Variants in DPP10 observed in about 807,000 individuals in gnomAD.
DPP10 encodes the protein inactive dipeptidyl peptidase 10.
DPP10 carries 33 observed loss-of-function variants against 120.9 expected under a neutral mutation model. That is an observed-to-expected ratio of 0.27 (90% confidence interval 0.21 to 0.37). DPP10 has a LOEUF of 0.37. Ranked by LOEUF, DPP10 falls within the 10% of genes least tolerant of loss-of-function variation. The pLI is 1.00. For synonymous variants in DPP10, 337 were observed against 326.1 expected (o/e 1.03, Z -0.36); for missense variants, 816 against 942.8 (o/e 0.87, Z 1.76).
intron 1 of DPP10, among the ~76,000 whole-genome samples, chr2:114,681,839 A>G (rs1345139210): frequency 6.6e-6 from 1 of 152,016 alleles, no homozygotes; most frequent in Non-Finnish European, 1.5e-5. Flanking sequence ...TGTTTCTATC[A>G]TAATCCATGT....
At chr2:115,012,953 T>C (rs1702370101) in intron 1 of DPP10, among the ~76,000 whole-genome samples, 1 of 152,200 alleles carries the variant, frequency 6.6e-6, no homozygotes, top group African/African-American at 2.4e-5. Flanking sequence ...TCATCCAACT[T>C]GCCAGTCTTT....
intron 1 of DPP10, among the ~76,000 whole-genome samples, chr2:114,587,672 A>G (rs921805685): frequency 3.3e-5 from 5 of 152,222 alleles, no homozygotes; most frequent in Non-Finnish European, 7.3e-5. Context: ...TAAAGGGAAC[A>G]TAATGGCAGT....
intron 1 of DPP10, among the ~76,000 whole-genome samples, chr2:114,520,884 G>T (rs908990282): frequency 1.6e-4 from 25 of 152,174 alleles, no homozygotes; most frequent in African/African-American, 5.1e-4. Flanking sequence ...TAGAAAAAAT[G>T]TGGCTGATTT....
chr2:115,747,594 C>CTTTTTTTTTT (rs3980905), intron 10 of DPP10, among the ~76,000 whole-genome samples: 11 of 141,226 alleles, frequency 7.8e-5, no homozygotes, highest in Non-Finnish European at 1.2e-4. Context: ...ATCCCCTTGT[C>CTTTTTTTTTT]TTTTTTTTTT....
rs185930516 is a variant in DPP10 at position 115,494,606 on chromosome 2, G to T, written c.272-4904G>T. Among the ~76,000 whole-genome samples the T allele has an allele frequency of 1.6e-4, 25 of 152,192 alleles. No individual in the cohort carries two copies. In the East Asian group the frequency reaches 2.1e-3, roughly 13 times the overall value. ...TTTACCATTGATATATTTAATTAAA[G>T]AATAAAATCTTGTTGTTTAACAAAC... is the stretch of plus-strand genomic sequence containing the variant. On this transcript the variant is annotated intron_variant, in intron 3 of 25. Transcript: ENST00000410059.
intron 1 of DPP10, among the ~76,000 whole-genome samples, chr2:115,061,851 A>G (rs1559048074): frequency 1.3e-5 from 2 of 152,160 alleles, no homozygotes; most frequent in African/African-American, 2.4e-5. Flanking sequence ...GACAGAGTAG[A>G]TAATATGTCT....
At chr2:114,541,610 A>G (rs949570341) in intron 1 of DPP10, among the ~76,000 whole-genome samples, 6 of 152,246 alleles carry the variant, frequency 3.9e-5, no homozygotes, top group Admixed American at 1.3e-4. Flanking sequence ...TTTGTCATTT[A>G]TAATAGAAAA....
At chr2:115,033,782 C>T (rs1004049080) in intron 1 of DPP10, among the ~76,000 whole-genome samples, 6 of 151,246 alleles carry the variant, frequency 4.0e-5, no homozygotes, top group Non-Finnish European at 8.8e-5. Flanking sequence ...CTCTCTGCAG[C>T]CTCAAACTCC....
Position 115,653,222 on chromosome 2 carries a change from C to T in DPP10, c.442-36465C>T, listed in dbSNP as rs114885800. On this transcript the variant is annotated intron_variant, in intron 5 of 25. Transcript: ENST00000410059. ...GAAGACAATTTAGGAAAAGTAAAGC[C>T]GGGGATATGAGGGCAAAGAATGTAA... 4.8e-3 allele frequency among the ~76,000 whole-genome samples: 721 copies of T among 151,436 alleles called. 1 individual carries two copies. Among genetic ancestry groups the T allele is most frequent in the African/African-American group, 0.017 (689 of 41,322 alleles).
intron 1 of DPP10, among the ~76,000 whole-genome samples, chr2:114,818,905 C>T (rs1409214865): frequency 1.3e-5 from 2 of 152,030 alleles, no homozygotes; most frequent in Non-Finnish European, 2.9e-5. Context: ...TATTTTGTGC[C>T]AAATTTCTTC....
intron 8 of DPP10, among the ~76,000 whole-genome samples, chr2:115,737,586 G>C (rs1041284034): frequency 2.6e-5 from 4 of 152,132 alleles, no homozygotes; most frequent in African/African-American, 9.7e-5. Context: ...CATTGGATCT[G>C]CTGGAGTCAC....
intron 1 of DPP10, among the ~76,000 whole-genome samples, chr2:115,172,640 C>G (rs770339171): frequency 5.3e-5 from 8 of 152,250 alleles, no homozygotes; most frequent in African/African-American, 1.9e-4. Context: ...GTATCTGATG[C>G]TTCATCTGAA....
chr2:114,494,100 G>GAAAA lies in DPP10; in HGVS notation c.60+51262_60+51263insAAAA, dbSNP rs1558810332. ...GCAGGTAAATAAAGACAGCAATAAG[G>GAAAA]CAAAAAAAAAAAAAAAAAAAACCCA... On this transcript the variant is annotated intron_variant, in intron 1 of 25. Transcript: ENST00000410059. Among the ~76,000 whole-genome samples, 13 of 4,874 alleles carry GAAAA rather than the reference G, an allele frequency of 2.7e-3. No individual in the cohort carries two copies. In the East Asian group the frequency reaches 0.077, roughly 29 times the overall value. 3.2% of individuals were successfully genotyped at this position (4,874 alleles called of 152,430 possible).
At chr2:115,683,793 A>T (rs1251887610) in intron 5 of DPP10, among the ~76,000 whole-genome samples, 1 of 151,980 alleles carries the variant, frequency 6.6e-6, no homozygotes, top group Non-Finnish European at 1.5e-5. Context: ...GCAATTGAAG[A>T]ATGGTACGTG....
chr2:115,358,068 T>A (rs1363649661), intron 3 of DPP10, among the ~76,000 whole-genome samples: 1 of 152,132 alleles, frequency 6.6e-6, no homozygotes, highest in Non-Finnish European at 1.5e-5. Flanking sequence ...TGACATGCCC[T>A]GGAGACATTT....
At chr2:115,063,526 G>T (rs1275212626) in intron 1 of DPP10, among the ~76,000 whole-genome samples, 1 of 152,084 alleles carries the variant, frequency 6.6e-6, no homozygotes, top group Non-Finnish European at 1.5e-5. Flanking sequence ...ATACTACAAG[G>T]CTACAGTAAC....
chr2:115,219,414 T>C (rs2057017410), intron 1 of DPP10, among the ~76,000 whole-genome samples: 1 of 152,124 alleles, frequency 6.6e-6, no homozygotes, highest in Admixed American at 6.6e-5. Flanking sequence ...TCATCCTACT[T>C]CTGTTCCGTA....
rs988747895 is a variant in DPP10 at position 115,806,154 on chromosome 2, G to A, written c.1701-8639G>A. ...CATAATTAGAGCTTAATAAATAAAAGAGATTTTTTAACACCTTAAATTTAT... is the reference window on the plus strand; with the variant it reads ...CATAATTAGAGCTTAATAAATAAAAAAGATTTTTTAACACCTTAAATTTAT... On this transcript the variant is annotated intron_variant, in intron 19 of 25. Transcript: ENST00000410059. 2.0e-5 allele frequency among the ~76,000 whole-genome samples: 3 copies of A among 152,222 alleles called. No individual in the cohort carries two copies. The South Asian group carries it at 6.2e-4, about 32-fold the overall frequency.
chr2:114,809,104 T>G (rs1284155824), intron 1 of DPP10, among the ~76,000 whole-genome samples: 1 of 152,172 alleles, frequency 6.6e-6, no homozygotes, highest in Non-Finnish European at 1.5e-5. Flanking sequence ...TCTTATGCAT[T>G]TATTTATGTC....
Sources: gnomAD v4.1 joint callset for allele counts (sites outside exome capture counted in the v4.1 genomes callset) on GRCh38, gnomAD v4.1.1 for gene constraint, MANE v1.5 for transcripts, NCBI Gene and HGNC (gene_info 2026-07-23, HGNC 2026-07-21) for gene names.